GPAM: variants seen among roughly 807,000 people sequenced by gnomAD.
GPAM encodes the protein glycerol-3-phosphate acyltransferase 1, mitochondrial.
In GPAM, 56 loss-of-function variants were observed where a neutral mutation model predicts 105.0. That is an observed-to-expected ratio of 0.53 (90% confidence interval 0.43 to 0.67). The LOEUF is 0.67. Among genes scored for constraint, GPAM ranks in the 30% least tolerant of loss-of-function variants. The pLI, the probability that GPAM is intolerant of heterozygous loss-of-function variation, is 0.00. For missense variants in GPAM, 855 were observed against 989.8 expected (o/e 0.86, Z 1.83); for synonymous variants, 368 against 354.4 (o/e 1.04, Z -0.43).
intron 17 of GPAM, among the ~76,000 whole-genome samples, chr10:112,159,216 CTTTTTTT>C (rs35513817): frequency 4.6e-5 from 4 of 86,984 alleles, no homozygotes; most frequent in South Asian, 4.5e-4. Context: ...AGATGATTTT[CTTTTTTT>C]TTTTTTTTTT....
At chr10:112,165,902 C>CATATTTTGGGGTACATGTG (rs1458177906) in intron 12 of GPAM, among the ~76,000 whole-genome samples, 6 of 151,644 alleles carry the variant, frequency 4.0e-5, no homozygotes, top group Non-Finnish European at 8.8e-5. Flanking sequence ...AATACTTGTA[C>CATATTTTGGGGTACATGTG]ATATTTTGGG....
intron 3 of GPAM, among the ~76,000 whole-genome samples, chr10:112,180,858 A>T (rs1847496168): frequency 6.6e-6 from 1 of 152,166 alleles, no homozygotes. Flanking sequence ...GGTCAAACAG[A>T]CTTCTGACAG....
chr10:112,226,024 ATTTAT>A, the GPAM span, among the ~76,000 whole-genome samples: 1 of 152,130 alleles, frequency 6.6e-6, no homozygotes, highest in African/African-American at 2.4e-5. Context: ...CATGGTGCTC[ATTTAT>A]TTTGTCAACA....
intron 5 of GPAM, among the ~76,000 whole-genome samples, chr10:112,177,505 T>G (rs1436727926): frequency 6.6e-6 from 1 of 152,210 alleles, no homozygotes; most frequent in Non-Finnish European, 1.5e-5. Flanking sequence ...TATCCCCATA[T>G]GCCTAGAAAT....
chr10:112,186,276 T>A (rs1847595039), upstream of GPAM, among the ~76,000 whole-genome samples: 1 of 151,846 alleles, frequency 6.6e-6, no homozygotes, highest in South Asian at 2.1e-4. Flanking sequence ...GAGTTCTTTT[T>A]ATATTAATAT....
intron 5 of GPAM, among the ~76,000 whole-genome samples, 171 bp from the exon 6 acceptor site, chr10:112,175,884 T>C (rs1424077913): frequency 6.6e-6 from 1 of 152,202 alleles, no homozygotes; most frequent in Non-Finnish European, 1.5e-5. Flanking sequence ...GTGCAGCCAA[T>C]TTTATTCATG....
chr10:112,172,331 A>G lies in GPAM; in HGVS notation c.658-13T>C, dbSNP rs200452994. ...GCGGCAAATTCGTCTAGCAAAGGGA[A>G]AAATGCCAAATTTAAAACTCAAATG... On this transcript the variant is annotated splice_polypyrimidine_tract_variant and intron_variant, in intron 8 of 21. Coordinates refer to ENST00000348367, the MANE Select transcript of GPAM (RefSeq NM_001244949.2). 15 of 1,610,666 alleles carry G rather than the reference A, an allele frequency of 9.3e-6. No homozygotes were observed. In the East Asian group the frequency reaches 3.1e-4, roughly 34 times the overall value.
intron 1 of GPAM, among the ~76,000 whole-genome samples, chr10:112,183,382 G>C (rs949041384): frequency 6.6e-5 from 10 of 152,224 alleles, no homozygotes; most frequent in South Asian, 2.1e-4. Flanking sequence ...TGTTCCCTAG[G>C]GACCCAGGCG....
rs938910339 is a variant in GPAM, at chr10:112,151,099, T to A, written c.*2451A>T. ...TTTTCAAAAACAGACTGCAGTTTCA[T>A]GTTGTTTAATATTGTTTTTTTTTTT... On this transcript the variant is annotated 3_prime_UTR_variant, in exon 22 of 22. Coordinates refer to ENST00000348367, the MANE Select transcript of GPAM (RefSeq NM_001244949.2). 1.0e-6 allele frequency: 1 copy of A among 982,172 alleles called. No homozygotes were observed. Among genetic ancestry groups the A allele is most frequent in the Admixed American group, 6.2e-5 (1 of 16,252 alleles). The allele number at this position is 982,172 out of a possible 1,614,324, so 60.8% of individuals were successfully genotyped here. A position where few individuals can be genotyped will look rare whatever the true frequency, so the allele number is the denominator to read the frequency against.
rs180868900 is a variant in GPAM at position 112,156,510 on chromosome 10, C to T, written c.2122-457G>A. The T allele has an allele frequency of 2.9e-3, 758 of 262,688 alleles. 5 individuals are homozygous for T. The highest frequency in any genetic ancestry group is 0.016 in the African/African-American group (725 of 44,804). The allele number at this position is 262,688 out of a possible 1,614,324, so 16.3% of individuals were successfully genotyped here. On this transcript the variant is annotated intron_variant, in intron 19 of 21. Coordinates refer to ENST00000348367, the MANE Select transcript of GPAM (RefSeq NM_001244949.2). Reference sequence around the variant, plus strand: ...CCCTGCCTCCCCTAAATGGCCTTTGCCCACAGTCCAGCACTGTGGGGAATG... The same window carrying T: ...CCCTGCCTCCCCTAAATGGCCTTTGTCCACAGTCCAGCACTGTGGGGAATG...
At chr10:112,162,970 A>G (rs2803611) in intron 14 of GPAM, among the ~76,000 whole-genome samples, 116,983 of 151,964 alleles carry the variant, frequency 0.77, 45,915 homozygotes, top group African/African-American at 0.94. Flanking sequence ...AGGGAGGAAG[A>G]CCTCCCCAGT....
intron 5 of GPAM, among the ~76,000 whole-genome samples, chr10:112,176,816 G>A (rs570248345): frequency 1.3e-5 from 2 of 152,200 alleles, no homozygotes; most frequent in Non-Finnish European, 2.9e-5. Flanking sequence ...GTGTAAAAAT[G>A]TTTTAGGCTT....
At chr10:112,186,047 G>A (rs537926862), upstream of GPAM, among the ~76,000 whole-genome samples, 11 of 152,042 alleles carry the variant, frequency 7.2e-5, no homozygotes, top group East Asian at 2.1e-3. Flanking sequence ...AACAAACTCA[G>A]TAGAAACATG....
At chr10:112,223,699 T>G in the GPAM span, among the ~76,000 whole-genome samples, 1 of 152,220 alleles carries the variant, frequency 6.6e-6, no homozygotes, top group Non-Finnish European at 1.5e-5. Flanking sequence ...GTTTGCAAAC[T>G]TTTCTGAAAA....
chr10:112,218,294 T>C (rs1463249179), upstream of GPAM, among the ~76,000 whole-genome samples: 3 of 152,122 alleles, frequency 2.0e-5, no homozygotes, highest in Non-Finnish European at 4.4e-5. Flanking sequence ...TTAAGGATCA[T>C]GGGAGTCTCA....
chr10:112,180,154 T>G (rs1292795221), intron 4 of GPAM, among the ~76,000 whole-genome samples: 1 of 152,182 alleles, frequency 6.6e-6, no homozygotes, highest in Non-Finnish European at 1.5e-5. Context: ...AGTGCTAAAG[T>G]TCAACACCTA....
intron 4 of GPAM, among the ~76,000 whole-genome samples, chr10:112,180,103 T>A (rs1291352116): frequency 6.6e-6 from 1 of 152,222 alleles, no homozygotes; most frequent in Non-Finnish European, 1.5e-5. Context: ...TCTTATTCTG[T>A]CCCATTATCT....
Position 112,156,482 on chromosome 10 carries a change from A to G in GPAM, c.2122-429T>C, listed in dbSNP as rs530755050. On this transcript the variant is annotated intron_variant, in intron 19 of 21. Coordinates refer to ENST00000348367, the MANE Select transcript of GPAM (RefSeq NM_001244949.2). ...TTATCTCACTCCTTCTGCAGCACCT[A>G]TTCCCTGCCTCCCCTAAATGGCCTT... 3.3e-4 allele frequency: 89 copies of G among 266,722 alleles called. No homozygotes were observed. The Admixed American group carries it at 4.1e-3, about 12-fold the overall frequency. 16.5% of individuals were successfully genotyped at this position (266,722 alleles called of 1,614,324 possible).
At chr10:112,204,410 T>A (rs1231128797) in intron 1 of GPAM, among the ~76,000 whole-genome samples, 1 of 151,322 alleles carries the variant, frequency 6.6e-6, no homozygotes, top group Non-Finnish European at 1.5e-5. Context: ...GGGAAGAGGG[T>A]TGGGAGTGGG....
Sources: allele counts gnomAD v4.1 joint callset (sites outside exome capture counted in the v4.1 genomes callset), GRCh38; gene constraint gnomAD v4.1.1; transcripts MANE v1.5; gene names NCBI Gene and HGNC (gene_info 2026-07-23, HGNC 2026-07-21).